ADAMTS3: variants seen among roughly 807,000 people sequenced by gnomAD.
The protein encoded by ADAMTS3 is A disintegrin and metalloproteinase with thrombospondin motifs 3.
A neutral mutation model predicts 129.0 loss-of-function variants in ADAMTS3; 73 were observed. The ratio of observed to expected loss-of-function variants is 0.57; its 90% CI spans 0.47 to 0.69. ADAMTS3 has a LOEUF of 0.69. ADAMTS3 is among the 30% of genes least tolerant of loss of function. The probability of loss-of-function intolerance (pLI) is 0.00; values close to 1 mark genes in which losing one functional copy is unlikely to be tolerated. For synonymous variants in ADAMTS3, 477 were observed against 510.8 expected (o/e 0.93, Z 0.89); for missense variants, 1,457 against 1,514.5 (o/e 0.96, Z 0.63).
chr4:72,450,466 T>G (rs1036815661), intron 3 of ADAMTS3, among the ~76,000 whole-genome samples: 1 of 151,744 alleles, frequency 6.6e-6, no homozygotes, highest in Non-Finnish European at 1.5e-5. Context: ...AACCTATGTT[T>G]AATCCATTAT....
chr4:72,471,708 T>C (rs1423616183), intron 3 of ADAMTS3, among the ~76,000 whole-genome samples: 1 of 152,056 alleles, frequency 6.6e-6, no homozygotes, highest in Non-Finnish European at 1.5e-5. Context: ...ATTTTTTTGT[T>C]TTTGAAAATA....
At chr4:72,503,301 G>T (rs573475855) in intron 3 of ADAMTS3, among the ~76,000 whole-genome samples, 1 of 152,108 alleles carries the variant, frequency 6.6e-6, no homozygotes, top group Non-Finnish European at 1.5e-5. Context: ...GATTATAGCC[G>T]TGAGACACCA....
chr4:72,318,928 G>A (rs1719477084), intron 9 of ADAMTS3, among the ~76,000 whole-genome samples: 1 of 152,120 alleles, frequency 6.6e-6, no homozygotes, highest in Non-Finnish European at 1.5e-5. Flanking sequence ...ACTTAGGAAT[G>A]TAGTAGAGCC....
intron 3 of ADAMTS3, among the ~76,000 whole-genome samples, chr4:72,513,737 T>G (rs889500129): frequency 6.6e-6 from 1 of 152,160 alleles, no homozygotes; most frequent in Admixed American, 6.6e-5. Context: ...TTTTTTTACA[T>G]AAATATATTG....
At chr4:72,288,948 A>ACACG in intron 20 of ADAMTS3, 80 bp from the exon 21 acceptor site, 1 of 752,066 alleles carries the variant, frequency 1.3e-6, no homozygotes. Context: ...ACACACACAC[A>ACACG]CACACACACA....
chr4:72,282,167 T>C lies in ADAMTS3; in HGVS notation c.*969A>G, dbSNP rs1718365176. On this transcript the variant is annotated 3_prime_UTR_variant, in exon 22 of 22. Coordinates refer to ENST00000286657, the MANE Select transcript of ADAMTS3 (RefSeq NM_014243.3). ...TTTCCTTTGCGATTATTACAGTACA[T>C]TGAGTATAACTGTTTGTATCTGTCA... 6.6e-6 allele frequency: 1 copy of C among 152,182 alleles called. No individual in the cohort carries two copies. Among genetic ancestry groups the C allele is most frequent in the African/African-American group, 2.4e-5 (1 of 41,438 alleles). The allele number at this position is 152,182 out of a possible 1,614,324, so 9.4% of individuals were successfully genotyped here.
chr4:72,410,920 T>C (rs745557417), intron 4 of ADAMTS3, among the ~76,000 whole-genome samples: 1 of 152,144 alleles, frequency 6.6e-6, no homozygotes, highest in Non-Finnish European at 1.5e-5. Context: ...GTTTTTTGTG[T>C]AATGAAAAGG....
rs559836113 is a variant in ADAMTS3, at chr4:72,298,417, C to A, written c.2450G>T (p.Arg817Leu). The part of the protein sequence containing the change: ...VLIIPQENDT[R>L]SSLTYKYIIH... ...GATGTACTTATATGTCAGGCTAGAG[C>A]GGGTATCATTTTCTTGAGGTATAAT... The change falls in exon 18 of 22, where the codon CGC (arginine) becomes CTC (leucine). Residue 817 changes from arginine to leucine, a missense_variant. Coordinates refer to ENST00000286657, the MANE Select transcript of ADAMTS3 (RefSeq NM_014243.3). 1 of 1,606,104 alleles carries A rather than the reference C, an allele frequency of 6.2e-7. No homozygotes were observed. The highest frequency in any genetic ancestry group is 2.2e-5 in the East Asian group (1 of 44,748).
At chr4:72,358,736 A>G (rs996905070) in intron 4 of ADAMTS3, among the ~76,000 whole-genome samples, 1 of 152,000 alleles carries the variant, frequency 6.6e-6, no homozygotes, top group African/African-American at 2.4e-5. Context: ...ATGACTTTTC[A>G]TATTTATTAA....
chr4:72,338,001 C>T (rs949810787), intron 5 of ADAMTS3, among the ~76,000 whole-genome samples: 2 of 152,044 alleles, frequency 1.3e-5, no homozygotes, highest in African/African-American at 4.8e-5. Context: ...GTAAGAATAA[C>T]ATCTCCATAG....
chr4:72,503,060 G>T (rs1462387755), intron 3 of ADAMTS3, among the ~76,000 whole-genome samples: 1 of 152,030 alleles, frequency 6.6e-6, no homozygotes, highest in African/African-American at 2.4e-5. Flanking sequence ...GTCTCACTCT[G>T]TTGCCCAGGC....
chr4:72,515,189 CA>C (rs1720431912), intron 3 of ADAMTS3, among the ~76,000 whole-genome samples: 1 of 152,104 alleles, frequency 6.6e-6, no homozygotes, highest in African/African-American at 2.4e-5. Context: ...GGCTGCATAG[CA>C]TTCCATGGTG....
chr4:72,405,826 C>T, intron 4 of ADAMTS3, among the ~76,000 whole-genome samples: 1 of 152,038 alleles, frequency 6.6e-6, no homozygotes, highest in Admixed American at 6.6e-5. Context: ...GATTAAAATA[C>T]AGGATTTTTA....
intron 3 of ADAMTS3, among the ~76,000 whole-genome samples, chr4:72,507,041 T>C (rs1000907667): frequency 2.0e-5 from 3 of 152,162 alleles, no homozygotes; most frequent in South Asian, 2.1e-4. Context: ...TCAACAAGAA[T>C]AGTGAATGAA....
At position 72,455,930 on chromosome 4, in the gene ADAMTS3, T is replaced by A. The variant is rs796356779; in HGVS notation, c.505-40959A>T. Reference sequence around the variant, plus strand: ...ACACTGTATATATACTATATATATTTTATATATAGTATATATACAGTATAT... The same window carrying A: ...ACACTGTATATATACTATATATATTATATATATAGTATATATACAGTATAT... On this transcript the variant is annotated intron_variant, in intron 3 of 21. Transcript: ENST00000286657. Among the ~76,000 whole-genome samples, 898 of 111,522 alleles carry A rather than the reference T, an allele frequency of 8.1e-3. 90 individuals carry two copies. Among genetic ancestry groups the A allele is most frequent in the African/African-American group, 0.03 (850 of 28,432 alleles). The allele number at this position is 111,522 out of a possible 152,430, so 73.2% of individuals were successfully genotyped here.
chr4:72,410,904 G>C (rs1722170714), intron 4 of ADAMTS3, among the ~76,000 whole-genome samples: 1 of 152,058 alleles, frequency 6.6e-6, no homozygotes, highest in Non-Finnish European at 1.5e-5. Context: ...AGCATGCCAA[G>C]TTTATGTTTT....
At chr4:72,535,791 T>TA (rs968420057) in intron 3 of ADAMTS3, among the ~76,000 whole-genome samples, 12 of 150,764 alleles carry the variant, frequency 8.0e-5, no homozygotes, top group African/African-American at 1.7e-4. Context: ...CACCATCACT[T>TA]AAAAAAAAAG....
At chr4:72,415,714 AT>A (rs1722287605) in intron 3 of ADAMTS3, among the ~76,000 whole-genome samples, 1 of 151,716 alleles carries the variant, frequency 6.6e-6, no homozygotes, top group Non-Finnish European at 1.5e-5. Flanking sequence ...TCATCTTTTA[AT>A]TATTCAGAAA....
At chr4:72,327,372 T>C (rs1719725930) in intron 5 of ADAMTS3, among the ~76,000 whole-genome samples, 1 of 152,188 alleles carries the variant, frequency 6.6e-6, no homozygotes. Context: ...AAGTAATTTT[T>C]CTGAAGTAAA....
Sources: gnomAD v4.1 joint callset for allele counts (sites outside exome capture counted in the v4.1 genomes callset) on GRCh38, gnomAD v4.1.1 for gene constraint, MANE v1.5 for transcripts, NCBI Gene and HGNC (gene_info 2026-07-23, HGNC 2026-07-21) for gene names.